Variants in TTC29 observed in about 807,000 individuals in gnomAD.
TTC29 encodes the protein tetratricopeptide repeat protein 29.
Under a neutral mutation model 58.1 loss-of-function variants are expected in TTC29, and 49 were observed. That is an observed-to-expected ratio of 0.84 (90% CI 0.67 to 1.07). TTC29 has a LOEUF of 1.07. Ranked by LOEUF, TTC29 falls within the 50% of genes least tolerant of loss-of-function variation. The probability of loss-of-function intolerance (pLI) is 0.00; values close to 1 mark genes in which losing one functional copy is unlikely to be tolerated. For missense variants in TTC29, 582 were observed against 555.6 expected (o/e 1.05, Z -0.48); for synonymous variants, 209 against 196.8 (o/e 1.06, Z -0.52).
intron 8 of TTC29, among the ~76,000 whole-genome samples, chr4:146,836,562 G>C (rs1178877030): frequency 6.6e-6 from 1 of 151,696 alleles, no homozygotes; most frequent in Non-Finnish European, 1.5e-5. Context: ...AGAGTAGGAG[G>C]GTCTTCATTA....
intron 4 of TTC29, among the ~76,000 whole-genome samples, chr4:146,922,817 AT>A (rs1030608898): frequency 2.0e-5 from 3 of 151,868 alleles, no homozygotes; most frequent in African/African-American, 7.2e-5. Flanking sequence ...AGGCTTTAAC[AT>A]TATTAGAAAA....
chr4:146,798,227 G>A (rs1749960578), intron 11 of TTC29, among the ~76,000 whole-genome samples: 1 of 152,040 alleles, frequency 6.6e-6, no homozygotes, highest in Non-Finnish European at 1.5e-5. Flanking sequence ...TAATCATGAG[G>A]AGAAAAGCAG....
intron 12 of TTC29, 116 bp from the exon 13 acceptor site, chr4:146,707,304 A>ATACTT (rs532565297): frequency 2.4e-4 from 196 of 824,860 alleles, no homozygotes; most frequent in South Asian, 1.2e-3. Context: ...AAAATTAAAA[A>ATACTT]TACTTAACCT....
At chr4:146,892,730 G>T (rs772617798) in intron 6 of TTC29, among the ~76,000 whole-genome samples, 1 of 152,204 alleles carries the variant, frequency 6.6e-6, no homozygotes, top group African/African-American at 2.4e-5. Flanking sequence ...ATTAGGAAAA[G>T]AGGAAGTCAA....
intron 11 of TTC29, among the ~76,000 whole-genome samples, chr4:146,733,424 T>C (rs1462425192): frequency 6.6e-6 from 1 of 152,120 alleles, no homozygotes; most frequent in Non-Finnish European, 1.5e-5. Flanking sequence ...AAAAAATTAA[T>C]GAGCTTGTAT....
intron 11 of TTC29, among the ~76,000 whole-genome samples, chr4:146,766,866 G>GAT (rs1747361145): frequency 6.6e-6 from 1 of 152,034 alleles, no homozygotes; most frequent in Non-Finnish European, 1.5e-5. Context: ...GTGGGCAATT[G>GAT]ATATTATTAG....
At chr4:146,722,422 A>G (rs748137509) in intron 11 of TTC29, among the ~76,000 whole-genome samples, 7 of 152,200 alleles carry the variant, frequency 4.6e-5, no homozygotes, top group Admixed American at 2.0e-4. Flanking sequence ...ACTTCAAACT[A>G]TACCATAAGG....
At chr4:146,853,001 C>T (rs1293993620) in intron 8 of TTC29, among the ~76,000 whole-genome samples, 1 of 151,978 alleles carries the variant, frequency 6.6e-6, no homozygotes, top group East Asian at 1.9e-4. Flanking sequence ...TTGAGATAAG[C>T]TGTTGAAATG....
At chr4:146,712,858 G>A (rs1054609181) in intron 11 of TTC29, among the ~76,000 whole-genome samples, 2 of 152,056 alleles carry the variant, frequency 1.3e-5, no homozygotes, top group Non-Finnish European at 2.9e-5. Context: ...GGTGAGGGCA[G>A]AGATTTAGAA....
At chr4:146,775,435 G>C (rs1156526077) in intron 11 of TTC29, among the ~76,000 whole-genome samples, 1 of 152,052 alleles carries the variant, frequency 6.6e-6, no homozygotes, top group Non-Finnish European at 1.5e-5. Context: ...TTGTAAGGCA[G>C]GTCTAGTGGT....
At chr4:146,902,299 C>T (rs1313074176) in intron 6 of TTC29, among the ~76,000 whole-genome samples, 1 of 151,948 alleles carries the variant, frequency 6.6e-6, no homozygotes, top group Non-Finnish European at 1.5e-5. Context: ...ACTGCAGTTT[C>T]CCAGGGTGGG....
intron 6 of TTC29, among the ~76,000 whole-genome samples, chr4:146,888,006 C>T (rs575941941): frequency 6.6e-6 from 1 of 151,878 alleles, no homozygotes; most frequent in African/African-American, 2.4e-5. Flanking sequence ...GGAGACACTG[C>T]ACACACAACA....
chr4:146,774,993 A>G (rs1323625734), intron 11 of TTC29, among the ~76,000 whole-genome samples: 1 of 152,100 alleles, frequency 6.6e-6, no homozygotes, highest in East Asian at 1.9e-4. Flanking sequence ...ACCCTTTACT[A>G]TTATATAATG....
chr4:146,830,317 A>G (rs1432552749), intron 9 of TTC29, among the ~76,000 whole-genome samples: 1 of 152,184 alleles, frequency 6.6e-6, no homozygotes, highest in Non-Finnish European at 1.5e-5. Flanking sequence ...TGTATCTATT[A>G]ATAATATCAC....
intron 11 of TTC29, among the ~76,000 whole-genome samples, chr4:146,780,458 T>C (rs1015756229): frequency 1.3e-5 from 2 of 151,958 alleles, no homozygotes; most frequent in Non-Finnish European, 2.9e-5. Flanking sequence ...CAGGGCACTA[T>C]CTTTTGAGGC....
At position 146,788,188 on chromosome 4, in the gene TTC29, C is replaced by T. The variant is rs537426115; in HGVS notation, c.1330+15269G>A. 5.9e-5 allele frequency among the ~76,000 whole-genome samples: 9 copies of T among 152,298 alleles called. No individual in the cohort carries two copies. The South Asian group carries it at 1.2e-3, about 21-fold the overall frequency. ...GAATGCAGTCCAGTTTAACCCCATG[C>T]TTTCCCAGGAACACATAAGAATTCT... On this transcript the variant is annotated intron_variant, in intron 11 of 12. Transcript: ENST00000325106.
At chr4:146,918,916 T>A in intron 4 of TTC29, among the ~76,000 whole-genome samples, 2 of 151,158 alleles carry the variant, frequency 1.3e-5, no homozygotes, top group Non-Finnish European at 3.0e-5. Flanking sequence ...AAAAAAATAC[T>A]GTTTGTTTTA....
chr4:146,732,467 T>G (rs1359057901), intron 11 of TTC29, among the ~76,000 whole-genome samples: 1 of 152,120 alleles, frequency 6.6e-6, no homozygotes, highest in Admixed American at 6.5e-5. Flanking sequence ...TGATGACACA[T>G]GTTGGTAGGA....
chr4:146,739,147 A>T (rs1007350902), intron 11 of TTC29, among the ~76,000 whole-genome samples: 5 of 152,236 alleles, frequency 3.3e-5, no homozygotes, highest in African/African-American at 1.2e-4. Context: ...TGGAGAGATA[A>T]CTAGATTATA....
Sources: allele counts gnomAD v4.1 joint callset (sites outside exome capture counted in the v4.1 genomes callset), GRCh38; gene constraint gnomAD v4.1.1; transcripts MANE v1.5; gene names NCBI Gene and HGNC (gene_info 2026-07-23, HGNC 2026-07-21).